Variants in GLRA3 observed in about 807,000 individuals in gnomAD.
GLRA3 encodes the protein glycine receptor alpha 3, also known as glycine receptor subunit alpha-3.
GLRA3 carries 44 observed loss-of-function variants against 60.4 expected under a neutral mutation model. The observed-to-expected ratio is 0.73, with a 90% CI of 0.57 to 0.94. The LOEUF is 0.94. Ranked by LOEUF, GLRA3 falls within the 40% of genes least tolerant of loss-of-function variation. The probability of loss-of-function intolerance (pLI) is 0.00; values close to 1 mark genes in which losing one functional copy is unlikely to be tolerated. For missense variants in GLRA3, 508 were observed against 564.6 expected, an observed-to-expected ratio of 0.90 and a Z score of 1.02; for synonymous variants, 223 against 192.9, an observed-to-expected ratio of 1.16 and a Z score of -1.29.
chr4:174,679,232 G>C (rs928734117), intron 6 of GLRA3, among the ~76,000 whole-genome samples: 4 of 152,098 alleles, frequency 2.6e-5, no homozygotes, highest in Non-Finnish European at 5.9e-5. Context: ...TCAGGGGGCT[G>C]AGGCAGGAGA....
chr4:174,817,277 A>G (rs181852617), intron 1 of GLRA3, among the ~76,000 whole-genome samples: 1 of 152,344 alleles, frequency 6.6e-6, no homozygotes, highest in Admixed American at 6.5e-5. Context: ...AAAGCAGAGC[A>G]TCTATCTTCG....
intron 3 of GLRA3, among the ~76,000 whole-genome samples, chr4:174,758,203 A>G (rs1228258893): frequency 6.6e-6 from 1 of 152,178 alleles, no homozygotes; most frequent in Non-Finnish European, 1.5e-5. Context: ...GCAATGCAAA[A>G]CAGACTATGA....
At chr4:174,717,265 GGA>G (rs367818622) in intron 4 of GLRA3, among the ~76,000 whole-genome samples, 6 of 133,358 alleles carry the variant, frequency 4.5e-5, no homozygotes, top group Admixed American at 1.5e-4. Context: ...AGGGAGGGAG[GGA>G]GAGAGAGAGA....
chr4:174,733,237 C>G (rs1185244585), intron 3 of GLRA3, among the ~76,000 whole-genome samples: 5 of 152,098 alleles, frequency 3.3e-5, no homozygotes, highest in Non-Finnish European at 7.4e-5. Context: ...CTCCTAGAGC[C>G]TCCAGAAGGA....
chr4:174,762,133 T>C (rs1231498221), intron 3 of GLRA3, among the ~76,000 whole-genome samples: 1 of 152,154 alleles, frequency 6.6e-6, no homozygotes, highest in Non-Finnish European at 1.5e-5. Context: ...TAACTGCTAA[T>C]AGTGCTGGGT....
rs182881364 is a variant in GLRA3, at chr4:174,671,385, G to T, written c.927+5693C>A. Among the ~76,000 whole-genome samples the T allele has an allele frequency of 2.7e-5, 4 of 150,882 alleles. No homozygotes were observed. In the East Asian group the frequency reaches 7.8e-4, roughly 29 times the overall value. On this transcript the variant is annotated intron_variant, in intron 7 of 9. Coordinates refer to ENST00000274093, the MANE Select transcript of GLRA3 (RefSeq NM_006529.4). ...ATGTACTCTCCTTTAAAATTTAAGG[G>T]TTTTTTTTTAGAAGAATAAGACTGC...
At chr4:174,721,497 T>C (rs1034882672) in intron 4 of GLRA3, among the ~76,000 whole-genome samples, 1 of 151,392 alleles carries the variant, frequency 6.6e-6, no homozygotes, top group African/African-American at 2.4e-5. Context: ...TATAAACAAG[T>C]AATAATTATG....
chr4:174,639,068 T>A lies in GLRA3; in HGVS notation c.*4718A>T, dbSNP rs906409657. ...CAAAGTCATCCAATATTACTAGCTGTCTTTTGAAAAAGGTTTTTGACAGTT... is the reference window on the plus strand; with the variant it reads ...CAAAGTCATCCAATATTACTAGCTGACTTTTGAAAAAGGTTTTTGACAGTT... On this transcript the variant is annotated 3_prime_UTR_variant, in exon 10 of 10. Coordinates refer to ENST00000274093, the MANE Select transcript of GLRA3 (RefSeq NM_006529.4). 7 of 152,200 alleles carry A rather than the reference T, an allele frequency of 4.6e-5. No individual in the cohort carries two copies. The highest frequency in any genetic ancestry group is 4.6e-4 in the Admixed American group (7 of 15,280). 9.4% of individuals were successfully genotyped at this position (152,200 alleles called of 1,614,324 possible).
intron 2 of GLRA3, among the ~76,000 whole-genome samples, chr4:174,773,313 G>GTT (rs10645897): frequency 0.3 from 44,768 of 148,400 alleles, 7,093 homozygotes; most frequent in Non-Finnish European, 0.36. Flanking sequence ...TCGTTTAGAT[G>GTT]TTTTTTTTTT....
At chr4:174,709,103 C>T (rs114703851) in intron 5 of GLRA3, among the ~76,000 whole-genome samples, 5 of 151,866 alleles carry the variant, frequency 3.3e-5, no homozygotes, top group Admixed American at 1.3e-4. Context: ...AAAACGTATC[C>T]GTTGAAAATT....
At chr4:174,799,233 A>G (rs1739710353) in intron 1 of GLRA3, among the ~76,000 whole-genome samples, 1 of 152,252 alleles carries the variant, frequency 6.6e-6, no homozygotes, top group African/African-American at 2.4e-5. Context: ...ACAAAGGTAT[A>G]TAGAAAAGTT....
At chr4:174,775,159 A>C (rs1434601447) in intron 2 of GLRA3, among the ~76,000 whole-genome samples, 1 of 152,192 alleles carries the variant, frequency 6.6e-6, no homozygotes, top group African/African-American at 2.4e-5. Context: ...CTTCTTGTTA[A>C]AGTGACCTCG....
At chr4:174,654,071 T>C (rs10025809) in intron 9 of GLRA3, among the ~76,000 whole-genome samples, 81,218 of 151,878 alleles carry the variant, frequency 0.53, 23,132 homozygotes, top group African/African-American at 0.74. Flanking sequence ...CGGGTATGCA[T>C]GAAAGACATT....
At chr4:174,765,433 T>C (rs1478459921) in intron 3 of GLRA3, among the ~76,000 whole-genome samples, 1 of 152,090 alleles carries the variant, frequency 6.6e-6, no homozygotes, top group African/African-American at 2.4e-5. Flanking sequence ...AAGTATTTCA[T>C]GGACGCAATC....
At chr4:174,766,900 G>T (rs924011945) in intron 3 of GLRA3, 63 bp downstream of exon 3, 13 of 778,346 alleles carry the variant, frequency 1.7e-5, no homozygotes, top group Non-Finnish European at 2.6e-5. Context: ...TACATAAAAT[G>T]TTGCCATTAA....
chr4:174,647,233 C>A (rs181723532), intron 9 of GLRA3, among the ~76,000 whole-genome samples: 1 of 151,972 alleles, frequency 6.6e-6, no homozygotes, highest in Non-Finnish European at 1.5e-5. Flanking sequence ...ATGGTGAAAC[C>A]CCATCTCTAC....
intron 2 of GLRA3, among the ~76,000 whole-genome samples, chr4:174,785,835 C>T (rs1739105884): frequency 6.6e-6 from 1 of 151,892 alleles, no homozygotes; most frequent in Admixed American, 6.6e-5. Context: ...AGTGGCACAA[C>T]CATAGCTCAC....
intron 1 of GLRA3, among the ~76,000 whole-genome samples, chr4:174,795,912 A>G (rs1739547833): frequency 1.3e-5 from 2 of 152,196 alleles, no homozygotes; most frequent in Admixed American, 6.5e-5. Context: ...TATGTTTTGT[A>G]ACAGGAATCA....
intron 4 of GLRA3, among the ~76,000 whole-genome samples, chr4:174,717,006 T>C (rs1209507795): frequency 6.6e-6 from 1 of 151,586 alleles, no homozygotes; most frequent in Admixed American, 6.6e-5. Context: ...TTTGTGATCA[T>C]CCTGGGCAAC....
Sources: allele counts gnomAD v4.1 joint callset (sites outside exome capture counted in the v4.1 genomes callset), GRCh38; gene constraint gnomAD v4.1.1; transcripts MANE v1.5; gene names NCBI Gene and HGNC (gene_info 2026-07-23, HGNC 2026-07-21).